The following KLHL20 variants were observed in gnomAD, a reference collection of about 807,000 sequenced individuals.
KLHL20 encodes the protein kelch like family member 20, also known as kelch-like protein 20.
A neutral mutation model predicts 69.5 loss-of-function variants in KLHL20; 29 were observed. The observed-to-expected ratio is 0.42, with a 90% CI of 0.31 to 0.57. The LOEUF is 0.57. KLHL20 is among the 20% of genes least tolerant of loss of function. The pLI, the probability that KLHL20 is intolerant of heterozygous loss-of-function variation, is 0.18. For missense variants in KLHL20, 419 were observed against 776.0 expected (o/e 0.54, Z 5.47); for synonymous variants, 253 against 265.2 (o/e 0.95, Z 0.45).
intron 7 of KLHL20, among the ~76,000 whole-genome samples, chr1:173,760,030 A>G (rs1174843512): frequency 6.6e-6 from 1 of 152,212 alleles, no homozygotes; most frequent in African/African-American, 2.4e-5. Context: ...ATGAAAAAAC[A>G]AAAATTCAGG....
At chr1:173,769,974 G>A (rs1647985121) in intron 8 of KLHL20, among the ~76,000 whole-genome samples, 1 of 151,800 alleles carries the variant, frequency 6.6e-6, no homozygotes. Context: ...AAAAAAGAAG[G>A]AGCTCCACAA....
intron 2 of KLHL20, among the ~76,000 whole-genome samples, chr1:173,718,959 G>C (rs925980373): frequency 6.6e-6 from 1 of 151,788 alleles, no homozygotes; most frequent in African/African-American, 2.4e-5. Context: ...CAAAAAATTA[G>C]CCGGGTGCGG....
At chr1:173,716,326 ATAAT>A (rs1167402996) in intron 2 of KLHL20, among the ~76,000 whole-genome samples, 1 of 152,146 alleles carries the variant, frequency 6.6e-6, no homozygotes, top group African/African-American at 2.4e-5. Flanking sequence ...TTTACAGTAA[ATAAT>A]CATTAAGTTC....
intron 5 of KLHL20, among the ~76,000 whole-genome samples, chr1:173,754,941 G>A (rs922200295): frequency 1.3e-5 from 2 of 152,038 alleles, no homozygotes; most frequent in African/African-American, 2.4e-5. Flanking sequence ...GCACATAGCT[G>A]TAAGTGTTGT....
intron 2 of KLHL20, among the ~76,000 whole-genome samples, chr1:173,721,862 A>G (rs976658451): frequency 1.3e-5 from 2 of 152,226 alleles, no homozygotes; most frequent in African/African-American, 4.8e-5. Context: ...CTATTCAAGT[A>G]TATTTAGGAC....
At chr1:173,784,120 A>C (rs1029105394) in intron 11 of KLHL20, among the ~76,000 whole-genome samples, 1 of 152,116 alleles carries the variant, frequency 6.6e-6, no homozygotes, top group Admixed American at 6.6e-5. Context: ...GCCCTGCTGG[A>C]GCTAACCAAT....
intron 2 of KLHL20, among the ~76,000 whole-genome samples, chr1:173,731,009 C>T (rs949046310): frequency 2.0e-5 from 3 of 151,958 alleles, no homozygotes; most frequent in Admixed American, 6.6e-5. Context: ...ACAATGAACT[C>T]GAACAAATTT....
chr1:173,756,940 A>G (rs776464176), intron 6 of KLHL20, 36 bp from the exon 7 acceptor site: 4 of 1,596,148 alleles, frequency 2.5e-6, no homozygotes, highest in South Asian at 2.3e-5. Context: ...ATGCTTCAGG[A>G]TAGGATTCTC....
At chr1:173,778,670 A>G (rs1648643900) in intron 10 of KLHL20, among the ~76,000 whole-genome samples, 1 of 152,030 alleles carries the variant, frequency 6.6e-6, no homozygotes, top group Non-Finnish European at 1.5e-5. Flanking sequence ...TTCAAGTTTT[A>G]GATTTCTTCA....
intron 3 of KLHL20, among the ~76,000 whole-genome samples, chr1:173,738,974 C>T (rs1335600740): frequency 4.6e-5 from 7 of 152,082 alleles, no homozygotes; most frequent in African/African-American, 1.7e-4. Context: ...TATGTTCTTT[C>T]CTGGTTTTGG....
At chr1:173,727,903 T>C (rs1332608886) in intron 2 of KLHL20, among the ~76,000 whole-genome samples, 2 of 152,124 alleles carry the variant, frequency 1.3e-5, no homozygotes, top group Non-Finnish European at 2.9e-5. Flanking sequence ...CATAACAATA[T>C]TAACCTTAAA....
At chr1:173,727,548 T>A (rs1380328510) in intron 2 of KLHL20, among the ~76,000 whole-genome samples, 1 of 152,106 alleles carries the variant, frequency 6.6e-6, no homozygotes, top group Non-Finnish European at 1.5e-5. Context: ...TAACAGCTGA[T>A]CTCTCGGCAG....
At chr1:173,737,676 C>T (rs924851847) in intron 3 of KLHL20, among the ~76,000 whole-genome samples, 13 of 150,688 alleles carry the variant, frequency 8.6e-5, no homozygotes, top group African/African-American at 2.7e-4. Flanking sequence ...ATTTGCTTAG[C>T]CTTCCTTTGG....
rs951092591 is a variant in KLHL20 at position 173,745,963 on chromosome 1, C to CA, written c.598-5790dup. ...GGGCAACAGAGTGAGACTTTGTCTCCAAAAAAAAAAAGTATTCATGTCCAA... is the reference window on the plus strand; with the variant it reads ...GGGCAACAGAGTGAGACTTTGTCTCCAAAAAAAAAAAAGTATTCATGTCCAA... On this transcript the variant is annotated intron_variant, in intron 3 of 11. Transcript: ENST00000209884. Among the ~76,000 whole-genome samples, 120 of 140,536 alleles carry CA rather than the reference C, an allele frequency of 8.5e-4. 1 individual carries two copies. The highest frequency in any genetic ancestry group is 2.4e-3 in the African/African-American group (93 of 38,518). 92.2% of individuals were successfully genotyped at this position (140,536 alleles called of 152,430 possible). A position where few individuals can be genotyped will look rare whatever the true frequency, so the allele number is the denominator to read the frequency against.
chr1:173,746,565 T>A (rs1380236010), intron 3 of KLHL20, among the ~76,000 whole-genome samples: 2 of 152,156 alleles, frequency 1.3e-5, no homozygotes, highest in Admixed American at 6.5e-5. Context: ...GTAATCTCTT[T>A]AATTTTTAAA....
At chr1:173,715,894 A>G (rs929129386) in intron 1 of KLHL20, 109 bp from the exon 2 acceptor site, 1 of 743,744 alleles carries the variant, frequency 1.3e-6, no homozygotes, top group Admixed American at 2.4e-5. Context: ...GTATAATAGG[A>G]TATGAAACTC....
rs189129401 is a variant in KLHL20, at chr1:173,767,211, G to A, written c.1295+922G>A. On this transcript the variant is annotated intron_variant, in intron 8 of 11. Transcript: ENST00000209884. ...GTCCTCCAGGTTTATCCATGCCGTC[G>A]AAAATGTCAGGATTTCCTTCTTTTT... is the stretch of plus-strand genomic sequence containing the variant. Among the ~76,000 whole-genome samples the A allele has an allele frequency of 8.7e-4, 133 of 152,154 alleles. 1 individual carries two copies. The highest frequency in any genetic ancestry group is 1.8e-3 in the Admixed American group (28 of 15,280).
intron 2 of KLHL20, among the ~76,000 whole-genome samples, chr1:173,729,490 C>T (rs549926460): frequency 1.1e-3 from 162 of 152,244 alleles, no homozygotes; most frequent in Middle Eastern, 3.4e-3. Context: ...TACTGGCAAA[C>T]CGAATCCAGC....
intron 7 of KLHL20, among the ~76,000 whole-genome samples, chr1:173,764,625 A>G (rs1647561908): frequency 6.6e-6 from 1 of 152,232 alleles, no homozygotes. Flanking sequence ...TAACTCAGGA[A>G]TGGAAAACCA....
Sources: gnomAD v4.1 joint callset for allele counts (sites outside exome capture counted in the v4.1 genomes callset) on GRCh38, gnomAD v4.1.1 for gene constraint, MANE v1.5 for transcripts, NCBI Gene and HGNC (gene_info 2026-07-23, HGNC 2026-07-21) for gene names.